ZFYVE28: variants seen among roughly 807,000 people sequenced by gnomAD.
ZFYVE28 encodes the protein lateral signaling target protein 2 homolog.
ZFYVE28 carries 40 observed loss-of-function variants against 82.1 expected under a neutral mutation model. The observed-to-expected ratio is 0.49, with a 90% confidence interval of 0.38 to 0.63. The LOEUF (loss-of-function observed/expected upper bound fraction) is 0.63. Ranked by LOEUF, ZFYVE28 falls within the 30% of genes least tolerant of loss-of-function variation. The probability of loss-of-function intolerance (pLI) is 0.00; values close to 1 mark genes in which losing one functional copy is unlikely to be tolerated. For synonymous variants in ZFYVE28, 612 were observed against 546.1 expected (o/e 1.12, Z -1.68); for missense variants, 1,321 against 1,242.1 (o/e 1.06, Z -0.96).
At chr4:2,364,072 G>A (rs1431956584) in intron 1 of ZFYVE28, among the ~76,000 whole-genome samples, 1 of 152,198 alleles carries the variant, frequency 6.6e-6, no homozygotes, top group African/African-American at 2.4e-5. Context: ...CAGGGCAGGC[G>A]CTGTGCCCTG....
chr4:2,406,199 C>T (rs890406267), intron 1 of ZFYVE28, among the ~76,000 whole-genome samples: 17 of 151,886 alleles, frequency 1.1e-4, no homozygotes, highest in African/African-American at 3.9e-4. Context: ...TGATGAAACC[C>T]CATCTCTGTC....
Position 2,302,608 on chromosome 4 carries a change from C to T in ZFYVE28, c.2051+1681G>A, listed in dbSNP as rs145048189. ...CCACACACAGAGTGACCACATGATCCGCAATTCCGCTCACAGGGATCCACC... is the reference window on the plus strand; with the variant it reads ...CCACACACAGAGTGACCACATGATCTGCAATTCCGCTCACAGGGATCCACC... On this transcript the variant is annotated intron_variant, in intron 8 of 12. Transcript: ENST00000290974. Among the ~76,000 whole-genome samples the T allele has an allele frequency of 6.1e-3, 926 of 152,344 alleles. 13 individuals carry two copies. Among genetic ancestry groups the T allele is most frequent in the Non-Finnish European group, 7.3e-3 (496 of 68,040 alleles).
chr4:2,304,239 C>G, intron 8 of ZFYVE28, 50 bp downstream of exon 8: 1 of 1,506,808 alleles, frequency 6.6e-7, no homozygotes, highest in Non-Finnish European at 8.8e-7. Flanking sequence ...AGCACCTGCC[C>G]CCCAGTGCAG....
At chr4:2,346,210 TG>T (rs1450316188) in intron 2 of ZFYVE28, among the ~76,000 whole-genome samples, 6 of 144,170 alleles carry the variant, frequency 4.2e-5, no homozygotes, top group African/African-American at 1.5e-4. Flanking sequence ...GGCGTGGTGG[TG>T]GGCGCCTATA....
chr4:2,382,790 G>T (rs1324532682), intron 1 of ZFYVE28, among the ~76,000 whole-genome samples: 1 of 152,178 alleles, frequency 6.6e-6, no homozygotes, highest in Non-Finnish European at 1.5e-5. Context: ...ACACGCTGGA[G>T]ACTGGGAAGA....
chr4:2,279,635 G>T (rs969784751), intron 8 of ZFYVE28, among the ~76,000 whole-genome samples: 1 of 151,978 alleles, frequency 6.6e-6, no homozygotes, highest in South Asian at 2.1e-4. Context: ...AAAAAAATTA[G>T]CCAGGCATGG....
At chr4:2,274,661 G>C (rs1736235722) in intron 8 of ZFYVE28, among the ~76,000 whole-genome samples, 1 of 152,158 alleles carries the variant, frequency 6.6e-6, no homozygotes, top group African/African-American at 2.4e-5. Flanking sequence ...ATTTGGAAAA[G>C]GGGTCTCAGC....
At chr4:2,284,263 C>T (rs1712395772) in intron 8 of ZFYVE28, among the ~76,000 whole-genome samples, 1 of 152,068 alleles carries the variant, frequency 6.6e-6, no homozygotes. Context: ...GCCGTGTCGC[C>T]CAGGCTGGAG....
At chr4:2,310,443 G>A (rs147257460) in intron 7 of ZFYVE28, among the ~76,000 whole-genome samples, 32 of 152,252 alleles carry the variant, frequency 2.1e-4, no homozygotes, top group African/African-American at 7.2e-4. Context: ...GATTGGTGTA[G>A]TTTTTGTTTC....
rs1486535237 is a variant in ZFYVE28 at position 2,304,285 on chromosome 4, T to C, written c.2051+4A>G. ...CCCAGTCTCTGGGCCAGACTGGCTC[T>C]TACCTGGAGCCCGACAGGGCCTGAG... On this transcript the variant is annotated splice_donor_region_variant and intron_variant, in intron 8 of 12. Coordinates refer to ENST00000290974, the MANE Select transcript of ZFYVE28 (RefSeq NM_020972.3). 3 of 1,562,744 alleles carry C rather than the reference T, an allele frequency of 1.9e-6. No homozygotes were observed. In the South Asian group the frequency reaches 3.5e-5, roughly 18 times the overall value.
intron 2 of ZFYVE28, among the ~76,000 whole-genome samples, chr4:2,352,298 C>T (rs149354843): frequency 2.0e-5 from 3 of 151,946 alleles, no homozygotes; most frequent in East Asian, 3.9e-4. Context: ...GTGCTCAGCA[C>T]AGACATGGAG....
At chr4:2,322,565 C>A (rs1400490313) in intron 6 of ZFYVE28, among the ~76,000 whole-genome samples, 1 of 152,182 alleles carries the variant, frequency 6.6e-6, no homozygotes, top group African/African-American at 2.4e-5. Flanking sequence ...CTGGGCCCTG[C>A]TGGAAGTGGG....
At chr4:2,319,326 C>T (rs2108836687) in intron 7 of ZFYVE28, among the ~76,000 whole-genome samples, 1 of 152,292 alleles carries the variant, frequency 6.6e-6, no homozygotes, top group East Asian at 1.9e-4. Flanking sequence ...ACCAAGCACC[C>T]CTGCCCCTGA....
intron 11 of ZFYVE28, 87 bp from the exon 12 acceptor site, chr4:2,271,501 TC>T: frequency 1.3e-6 from 2 of 1,490,366 alleles, no homozygotes; most frequent in Admixed American, 1.8e-5. Flanking sequence ...GGCCCTCCTT[TC>T]CAGACTGCCA....
In ZFYVE28 at chr4:2,304,470, G is replaced by A. The variant is rs376535675; in HGVS notation, c.1870C>T (p.Arg624Trp). The A allele has an allele frequency of 2.3e-4, 379 of 1,613,222 alleles. 1 individual carries two copies. Among genetic ancestry groups the A allele is most frequent in the Non-Finnish European group, 2.9e-4 (342 of 1,179,876 alleles). The part of the protein sequence containing the change: ...PPPSEDASNG[R>W]EPKAPTSDKC... The stretch of plus-strand genomic sequence containing the variant: ...TCGGAAGTGGGGGCTTTGGGCTCCC[G>A]CCCGTTGGAGGCATCTTCTGAGGGT... The change falls in exon 8 of 13, where the codon CGG (arginine) becomes TGG (tryptophan). Residue 624 changes from arginine (R) to tryptophan (W), a missense_variant. By Grantham distance (101) the Arg-to-Trp change is moderately radical. Transcript: ENST00000290974.
rs200326536 is a variant in ZFYVE28 at position 2,304,696 on chromosome 4, G to T, written c.1644C>A (p.Gly548=). The T allele has an allele frequency of 1.9e-5, 31 of 1,612,608 alleles. No individual in the cohort carries two copies. In the Admixed American group the frequency reaches 2.0e-4, roughly 10 times the overall value. Residue 548 remains glycine, a synonymous_variant, in exon 8 of 13, where the codon GGC becomes GGA. Coordinates refer to ENST00000290974, the MANE Select transcript of ZFYVE28 (RefSeq NM_020972.3). ...TGGCCCCAGTGCTAAGCTTGTGGGG[G>T]CCGCCATCCATCCCCTCGGCCACGG... ...SEPVAEGMDG[G]PHKLSTGATN... is the part of the protein sequence containing the mutation.
Position 2,341,592 on chromosome 4 carries a change from G to C in ZFYVE28, c.204C>G (p.Asn68Lys). 1 of 1,612,236 alleles carries C rather than the reference G, an allele frequency of 6.2e-7. No individual in the cohort carries two copies. Among genetic ancestry groups the C allele is most frequent in the South Asian group, 1.1e-5 (1 of 91,044 alleles). ...SCQDNVLNII[N>K]QIMDECIPQD... Reference sequence around the variant, plus strand: ...GGGGGATGCACTCATCCATGATCTGGTTAATGATGTTCAACACATTGTCCT... The same window carrying C: ...GGGGGATGCACTCATCCATGATCTGCTTAATGATGTTCAACACATTGTCCT... Residue 68 changes from asparagine to lysine, a missense_variant, in exon 3 of 13, where the codon AAC becomes AAG. Around this residue, in one of 2 missense-constraint regions of ZFYVE28, gnomAD observed 343 missense variants for 408.4 expected, o/e 0.84. Transcript: ENST00000290974. This position sits in a 1 kb window ranked among gnomAD's most constrained non-coding sequence, Gnocchi z 4.5.
intron 1 of ZFYVE28, among the ~76,000 whole-genome samples, chr4:2,368,817 G>C (rs1044182459): frequency 2.6e-5 from 4 of 152,194 alleles, no homozygotes; most frequent in African/African-American, 7.2e-5. Flanking sequence ...AGCTCTCTGG[G>C]TATATATCTA....
At chr4:2,414,010 C>G (rs1326595895) in intron 1 of ZFYVE28, among the ~76,000 whole-genome samples, 3 of 152,244 alleles carry the variant, frequency 2.0e-5, no homozygotes, top group Non-Finnish European at 4.4e-5. Context: ...CTCTGCACTT[C>G]GGGACCAAAC....
Sources: allele counts gnomAD v4.1 joint callset (sites outside exome capture counted in the v4.1 genomes callset), GRCh38; gene constraint gnomAD v4.1.1; regional missense constraint gnomAD v4.1.1; non-coding constraint Gnocchi (gnomAD v3.1); transcripts MANE v1.5; gene names NCBI Gene and HGNC (gene_info 2026-07-23, HGNC 2026-07-21).